The following SPHKAP variants were observed in gnomAD, a reference collection of about 807,000 sequenced individuals.
SPHKAP encodes SPHK1 interactor, AKAP domain containing.
SPHKAP carries 67 observed loss-of-function variants against 137.5 expected under a neutral mutation model. That is an observed-to-expected ratio of 0.49 (90% CI 0.40 to 0.60). The LOEUF is 0.60. Ranked by LOEUF, SPHKAP falls within the 20% of genes least tolerant of loss-of-function variation. The pLI, the probability that SPHKAP is intolerant of heterozygous loss-of-function variation, is 0.00. For synonymous variants in SPHKAP, 813 were observed against 785.3 expected (o/e 1.04, Z -0.59); for missense variants, 2,097 against 2,069.3 (o/e 1.01, Z -0.26).
Position 228,181,611 on chromosome 2 carries a change from C to T in SPHKAP, c.-13G>A. ...AGTTGCCATCCATTGTTGGTGGGCGCCCAGAGAAGAAAGACGGAAAGTGCA... is the reference window on the plus strand; with the variant it reads ...AGTTGCCATCCATTGTTGGTGGGCGTCCAGAGAAGAAAGACGGAAAGTGCA... On this transcript the variant is annotated 5_prime_UTR_variant, in exon 1 of 12. Coordinates refer to ENST00000392056, the MANE Select transcript of SPHKAP (RefSeq NM_001142644.2). The surrounding 1 kb of genome is among the most constrained non-coding windows in gnomAD (Gnocchi z 4.3). 1.2e-6 allele frequency: 2 copies of T among 1,614,132 alleles called. No homozygotes were observed. The highest frequency in any genetic ancestry group is 1.7e-6 in the Non-Finnish European group (2 of 1,180,030).
chr2:227,990,581 T>C (rs77045830), intron 11 of SPHKAP, among the ~76,000 whole-genome samples: 2,421 of 152,308 alleles, frequency 0.016, 68 homozygotes, highest in African/African-American at 0.056. Flanking sequence ...CGAACCTGTT[T>C]GGAAGGGAAT....
rs554156057 is a variant in SPHKAP, at chr2:228,077,009, T to C, written c.246+31823A>G. ...CCCTGCATCCCAGCTGCTCTAGCTGTAGCTGAAAGGGGCCAATGTAGGGCT... is the reference window on the plus strand; with the variant it reads ...CCCTGCATCCCAGCTGCTCTAGCTGCAGCTGAAAGGGGCCAATGTAGGGCT... On this transcript the variant is annotated intron_variant, in intron 3 of 11. Transcript: ENST00000392056. Among the ~76,000 whole-genome samples, 5 of 152,172 alleles carry C rather than the reference T, an allele frequency of 3.3e-5. No individual in the cohort carries two copies. In the East Asian group the frequency reaches 5.8e-4, roughly 18 times the overall value.
chr2:228,116,699 T>C (rs538630757), intron 2 of SPHKAP, among the ~76,000 whole-genome samples: 2 of 152,272 alleles, frequency 1.3e-5, no homozygotes, highest in Admixed American at 1.3e-4. Flanking sequence ...TTTTATGGGC[T>C]TTTTGCCAAA....
chr2:228,081,233 C>T (rs1276555595), intron 3 of SPHKAP, among the ~76,000 whole-genome samples: 2 of 152,188 alleles, frequency 1.3e-5, no homozygotes, highest in Non-Finnish European at 2.9e-5. Flanking sequence ...CCACCTACTC[C>T]TTTTCTCTTG....
Position 227,998,839 on chromosome 2 carries a change from A to G in SPHKAP, c.4449-3145T>C, listed in dbSNP as rs182668899. ...AATCCTGCCTTTCCCACTTCCTTAC[A>G]TGGGTATGCATATATTTCTGCAGAG... On this transcript the variant is annotated intron_variant, in intron 7 of 11. Transcript: ENST00000392056. Among the ~76,000 whole-genome samples the G allele has an allele frequency of 2.3e-3, 344 of 152,150 alleles. 1 individual carries two copies. Among genetic ancestry groups the G allele is most frequent in the Non-Finnish European group, 4.6e-3 (310 of 67,990 alleles).
chr2:228,059,945 C>A (rs1696581340), intron 3 of SPHKAP, among the ~76,000 whole-genome samples: 1 of 152,168 alleles, frequency 6.6e-6, no homozygotes, highest in South Asian at 2.1e-4. Context: ...TCATAACAAC[C>A]AGATAAGCTT....
chr2:228,078,904 C>G (rs759067924), intron 3 of SPHKAP, among the ~76,000 whole-genome samples: 1 of 152,082 alleles, frequency 6.6e-6, no homozygotes, highest in South Asian at 2.1e-4. Flanking sequence ...AGGCCAGTAC[C>G]CACGAACGGA....
At chr2:228,080,129 T>C (rs1161748718) in intron 3 of SPHKAP, among the ~76,000 whole-genome samples, 2 of 151,452 alleles carry the variant, frequency 1.3e-5, no homozygotes, top group Non-Finnish European at 2.9e-5. Flanking sequence ...ACAAATAGAA[T>C]TACATCAAAC....
At chr2:228,160,274 T>A (rs1227054259) in intron 1 of SPHKAP, among the ~76,000 whole-genome samples, 2 of 152,212 alleles carry the variant, frequency 1.3e-5, no homozygotes, top group Non-Finnish European at 2.9e-5. Flanking sequence ...AATACTTTAA[T>A]ATATTTACTT....
At chr2:228,072,346 C>T (rs1230506319) in intron 3 of SPHKAP, among the ~76,000 whole-genome samples, 1 of 151,974 alleles carries the variant, frequency 6.6e-6, no homozygotes, top group Non-Finnish European at 1.5e-5. Flanking sequence ...ATGCTTTTAT[C>T]TAGCATCATA....
intron 3 of SPHKAP, among the ~76,000 whole-genome samples, chr2:228,048,545 G>A (rs1024287919): frequency 3.9e-5 from 6 of 151,946 alleles, no homozygotes; most frequent in African/African-American, 9.7e-5. Flanking sequence ...ATGACAGAAC[G>A]CATATATGAC....
At chr2:227,992,623 C>A (rs185350998) in intron 9 of SPHKAP, among the ~76,000 whole-genome samples, 1 of 150,666 alleles carries the variant, frequency 6.6e-6, no homozygotes, top group Non-Finnish European at 1.5e-5. Context: ...GAAAAGAAAA[C>A]AAAACAAAAC....
At chr2:228,114,010 T>C (rs1288726946) in intron 2 of SPHKAP, among the ~76,000 whole-genome samples, 1 of 152,148 alleles carries the variant, frequency 6.6e-6, no homozygotes, top group African/African-American at 2.4e-5. Context: ...AGGAAGAATA[T>C]GTGCTTGAGA....
rs765508778 is a variant in SPHKAP at position 227,981,801 on chromosome 2, A to G, written c.5019T>C (p.His1673=). The change falls in exon 12 of 12, where the codon CAT becomes CAC. Residue 1673 remains histidine, a synonymous_variant. Transcript: ENST00000392056. ...GCATTTTGCAGTACTGGACAACTGC[A>G]TGGAAGATATCACCCACTTTCCAGG... The part of the protein sequence containing the change: ...RKSWKVGDIF[H]AVVQYCKMHE... 7 of 1,613,756 alleles carry G rather than the reference A, an allele frequency of 4.3e-6. No individual in the cohort carries two copies. The highest frequency in any genetic ancestry group is 1.3e-5 in the African/African-American group (1 of 74,908).
At chr2:228,171,697 T>C (rs1700589588) in intron 1 of SPHKAP, among the ~76,000 whole-genome samples, 2 of 152,248 alleles carry the variant, frequency 1.3e-5, no homozygotes, top group Admixed American at 1.3e-4. Context: ...CATCCTTTGA[T>C]TTGTGGCCCC....
rs546399992 is a variant in SPHKAP at position 228,136,846 on chromosome 2, A to T, written c.33-4761T>A. Among the ~76,000 whole-genome samples the T allele has an allele frequency of 7.5e-4, 114 of 152,330 alleles. No individual in the cohort carries two copies. The Middle Eastern group carries it at 0.01, about 14-fold the overall frequency. ...AGAGATGGGGCAAACAGAGATAAAG[A>T]GGCTTGGGTGTAATATCCTCATGAT... On this transcript the variant is annotated intron_variant, in intron 1 of 11. Coordinates refer to ENST00000392056, the MANE Select transcript of SPHKAP (RefSeq NM_001142644.2).
chr2:228,068,206 A>G (rs1696888497), intron 3 of SPHKAP, among the ~76,000 whole-genome samples: 1 of 152,154 alleles, frequency 6.6e-6, no homozygotes, highest in South Asian at 2.1e-4. Flanking sequence ...GCTATAAAAT[A>G]TAAATGAAAG....
At position 228,019,472 on chromosome 2, in the gene SPHKAP, G is replaced by T. The variant is rs1694750189; in HGVS notation, c.1382C>A (p.Ala461Asp). ...VVVQSPDGSD[A>D]APQPGISSWP... Reference sequence around the variant, plus strand: ...GGAGGAGATGCCTGGCTGTGGGGCAGCATCACTGCCATCTGGACTCTGAAC... The same window carrying T: ...GGAGGAGATGCCTGGCTGTGGGGCATCATCACTGCCATCTGGACTCTGAAC... The change falls in exon 7 of 12, where the codon GCT becomes GAT. Residue 461 changes from alanine (A) to aspartate (D), a missense_variant. By Grantham distance (126) the Ala-to-Asp change is moderately radical. Coordinates refer to ENST00000392056, the MANE Select transcript of SPHKAP (RefSeq NM_001142644.2). The T allele has an allele frequency of 1.2e-6, 2 of 1,614,050 alleles. No individual in the cohort carries two copies. Among genetic ancestry groups the T allele is most frequent in the African/African-American group, 1.3e-5 (1 of 74,928 alleles).
intron 2 of SPHKAP, among the ~76,000 whole-genome samples, chr2:228,117,637 A>G (rs6724995): frequency 0.34 from 52,289 of 151,968 alleles, 9,273 homozygotes; most frequent in East Asian, 0.51. Context: ...TAGAGATACC[A>G]CATTCCTACA....
Sources: allele counts gnomAD v4.1 joint callset (sites outside exome capture counted in the v4.1 genomes callset), GRCh38; gene constraint gnomAD v4.1.1; non-coding constraint Gnocchi (gnomAD v3.1); transcripts MANE v1.5; gene names NCBI Gene and HGNC (gene_info 2026-07-23, HGNC 2026-07-21).